Variants in ADAM19 observed in about 807,000 individuals in gnomAD.
ADAM19 encodes ADAM metallopeptidase domain 19.
ADAM19 carries 65 observed loss-of-function variants against 114.7 expected under a neutral mutation model. That is an observed-to-expected ratio of 0.57 (90% confidence interval 0.46 to 0.70). ADAM19 has a LOEUF of 0.70. ADAM19 is among the 30% of genes least tolerant of loss of function. ADAM19 has a pLI of 0.00. For synonymous variants in ADAM19, 466 were observed against 460.5 expected (o/e 1.01, Z -0.15); for missense variants, 1,063 against 1,204.7 (o/e 0.88, Z 1.74).
intron 3 of ADAM19, among the ~76,000 whole-genome samples, chr5:157,551,723 G>GAA (rs767844428): frequency 1.4e-5 from 2 of 144,514 alleles, no homozygotes; most frequent in Non-Finnish European, 3.0e-5. Context: ...AACTCTATAA[G>GAA]AAAAAAAAAA....
intron 3 of ADAM19, among the ~76,000 whole-genome samples, chr5:157,562,749 C>A (rs7725069): frequency 6.6e-6 from 1 of 151,954 alleles, no homozygotes; most frequent in East Asian, 1.9e-4. Context: ...AAGATCATTC[C>A]ATTCAGTGTT....
chr5:157,488,989 C>T (rs1755055364), intron 20 of ADAM19, 113 bp downstream of exon 20: 2 of 780,038 alleles, frequency 2.6e-6, no homozygotes, highest in Non-Finnish European at 4.4e-6. Flanking sequence ...GAGATGGCGC[C>T]ACTGTACTCC....
chr5:157,558,093 C>T (rs1757415569), intron 3 of ADAM19, among the ~76,000 whole-genome samples: 1 of 152,234 alleles, frequency 6.6e-6, no homozygotes, highest in South Asian at 2.1e-4. Context: ...ACATCTCAAA[C>T]AGGACTACCA....
intron 3 of ADAM19, among the ~76,000 whole-genome samples, chr5:157,556,241 T>TG (rs1249419193): frequency 8.9e-6 from 1 of 112,568 alleles, no homozygotes; most frequent in Non-Finnish European, 1.8e-5. Flanking sequence ...TTTTTTGAGA[T>TG]GGGGTCTCAC....
At chr5:157,482,034 T>C in intron 21 of ADAM19, 91 bp from the exon 22 acceptor site, 1 of 1,044,946 alleles carries the variant, frequency 9.6e-7, no homozygotes, top group Non-Finnish European at 1.4e-6. Flanking sequence ...ATCAGATAGA[T>C]AAAAGTTATA....
intron 10 of ADAM19, 72 bp downstream of exon 10, chr5:157,506,984 C>A: frequency 7.8e-7 from 1 of 1,284,032 alleles, no homozygotes; most frequent in Non-Finnish European, 1.1e-6. Flanking sequence ...ACTTATTATT[C>A]AAAAGATGAC....
At chr5:157,552,550 G>A (rs181319932) in intron 3 of ADAM19, among the ~76,000 whole-genome samples, 58 of 152,008 alleles carry the variant, frequency 3.8e-4, no homozygotes, top group African/African-American at 1.4e-3. Flanking sequence ...ATGGTGGTGT[G>A]TGCCTGTAGT....
chr5:157,536,330 C>G (rs1049205721), intron 4 of ADAM19, among the ~76,000 whole-genome samples: 2 of 152,030 alleles, frequency 1.3e-5, no homozygotes, highest in Non-Finnish European at 2.9e-5. Flanking sequence ...CCCATCTCTA[C>G]TAAAAATACA....
At chr5:157,489,039 A>C in intron 20 of ADAM19, 63 bp downstream of exon 20, 1 of 1,419,604 alleles carries the variant, frequency 7.0e-7, no homozygotes, top group Non-Finnish European at 9.9e-7. Context: ...CAAAAAGAAA[A>C]ATACAGCATG....
chr5:157,498,071 A>G (rs1257968330), intron 13 of ADAM19, among the ~76,000 whole-genome samples: 1 of 152,304 alleles, frequency 6.6e-6, no homozygotes, highest in East Asian at 1.9e-4. Flanking sequence ...CGCACAGCCA[A>G]ACCAGATGCC....
At chr5:157,495,248 G>A (rs1185964633) in intron 14 of ADAM19, among the ~76,000 whole-genome samples, 2 of 151,916 alleles carry the variant, frequency 1.3e-5, no homozygotes, top group Non-Finnish European at 1.5e-5. Flanking sequence ...TGATCCCCCC[G>A]CCTCGGCCTC....
At chr5:157,535,407 G>A (rs776671562) in intron 4 of ADAM19, among the ~76,000 whole-genome samples, 2 of 152,198 alleles carry the variant, frequency 1.3e-5, no homozygotes, top group Non-Finnish European at 2.9e-5. Flanking sequence ...TCCAACATTC[G>A]GGTCAAGGGC....
At chr5:157,575,503 G>T in intron 1 of ADAM19, 100 bp downstream of exon 1, 1 of 871,992 alleles carries the variant, frequency 1.1e-6, no homozygotes, top group Non-Finnish European at 1.6e-6. Context: ...GCGGAGTTGC[G>T]GGAGGCGCAG....
intron 13 of ADAM19, among the ~76,000 whole-genome samples, chr5:157,498,319 C>T (rs577933575): frequency 6.6e-6 from 1 of 152,334 alleles, no homozygotes; most frequent in East Asian, 1.9e-4. Context: ...ACACCTCTGC[C>T]ATCCAGAGGC....
In ADAM19 at chr5:157,488,152, A is replaced by C. The variant is rs748585260; in HGVS notation, c.2550+113T>G. On this transcript the variant is annotated intron_variant, in intron 21 of 22. Coordinates refer to ENST00000257527, the MANE Select transcript of ADAM19 (RefSeq NM_033274.5). ...CCCCGTATTGACTGAATTGCAGAAA[A>C]GGCAGTCAGCTCATGACCCCACAAG... 7 of 1,064,618 alleles carry C rather than the reference A, an allele frequency of 6.6e-6. No individual in the cohort carries two copies. The South Asian group carries it at 1.0e-4, about 16-fold the overall frequency. 65.9% of individuals were successfully genotyped at this position (1,064,618 alleles called of 1,614,324 possible). A position where few individuals can be genotyped will look rare whatever the true frequency, so the allele number is the denominator to read the frequency against.
chr5:157,574,514 T>C (rs1757918604), intron 1 of ADAM19, among the ~76,000 whole-genome samples: 1 of 152,080 alleles, frequency 6.6e-6, no homozygotes, highest in South Asian at 2.1e-4. Context: ...TCTCAGCCTC[T>C]GGGTTTGAGG....
At chr5:157,521,730 A>T (rs1756292156) in intron 5 of ADAM19, among the ~76,000 whole-genome samples, 1 of 152,204 alleles carries the variant, frequency 6.6e-6, no homozygotes, top group Non-Finnish European at 1.5e-5. Flanking sequence ...GCAAGGAGCA[A>T]GGGTCGCATC....
intron 3 of ADAM19, among the ~76,000 whole-genome samples, chr5:157,562,782 A>G (rs1757544321): frequency 6.6e-6 from 1 of 152,220 alleles, no homozygotes; most frequent in Admixed American, 6.5e-5. Context: ...TTCCTGCTTT[A>G]GCTTCCTATG....
At chr5:157,482,960 A>G (rs911523948) in intron 21 of ADAM19, among the ~76,000 whole-genome samples, 5 of 152,244 alleles carry the variant, frequency 3.3e-5, no homozygotes, top group African/African-American at 1.2e-4. Context: ...ACAAGAACAG[A>G]AAACCAAACA....
Sources: allele counts gnomAD v4.1 joint callset (sites outside exome capture counted in the v4.1 genomes callset), GRCh38; gene constraint gnomAD v4.1.1; transcripts MANE v1.5; gene names NCBI Gene and HGNC (gene_info 2026-07-23, HGNC 2026-07-21).